The following NEIL3 variants were observed in gnomAD, a reference collection of about 807,000 sequenced individuals.
NEIL3 encodes the protein nei like DNA glycosylase 3, also known as endonuclease 8-like 3.
In NEIL3, 48 loss-of-function variants were observed where a neutral mutation model predicts 57.5. The ratio of observed to expected loss-of-function variants is 0.83; its 90% CI spans 0.66 to 1.06. The LOEUF (loss-of-function observed/expected upper bound fraction) is 1.06. Ranked by LOEUF, NEIL3 falls within the 50% of genes least tolerant of loss-of-function variation. NEIL3 has a pLI of 0.00. For missense variants in NEIL3, 717 were observed against 739.1 expected, an observed-to-expected ratio of 0.97 and a Z score of 0.35; for synonymous variants, 261 against 253.2, an observed-to-expected ratio of 1.03 and a Z score of -0.29.
chr4:177,336,438 C>A, intron 4 of NEIL3, 117 bp downstream of exon 4: 1 of 759,282 alleles, frequency 1.3e-6, no homozygotes. Flanking sequence ...TCAGGTGTCC[C>A]GCTTCCCATT....
At chr4:177,350,855 T>C (rs964574299) in intron 6 of NEIL3, among the ~76,000 whole-genome samples, 16 of 152,064 alleles carry the variant, frequency 1.1e-4, no homozygotes, top group Non-Finnish European at 8.8e-5. Flanking sequence ...TCTAAATAAC[T>C]TTTATTTGAT....
rs1702269726 is a variant in NEIL3 at position 177,339,922 on chromosome 4, C to T, written c.702+65C>T. ...TCAGTGGTTTCCTTTTGGAGTGCAC[C>T]AAAAAATGTGAAAGCTGTATATAGC... On this transcript the variant is annotated intron_variant, in intron 5 of 9. Coordinates refer to ENST00000264596, the MANE Select transcript of NEIL3 (RefSeq NM_018248.3). The T allele has an allele frequency of 2.8e-6, 3 of 1,082,806 alleles. No individual in the cohort carries two copies. In the South Asian group the frequency reaches 3.9e-5, roughly 14 times the overall value. 67.1% of individuals were successfully genotyped at this position (1,082,806 alleles called of 1,614,324 possible).
At chr4:177,358,001 T>C (rs1735514890) in intron 8 of NEIL3, among the ~76,000 whole-genome samples, 1 of 152,196 alleles carries the variant, frequency 6.6e-6, no homozygotes, top group Admixed American at 6.5e-5. Context: ...ATCAGAACAT[T>C]TAATTATCCT....
chr4:177,312,514 T>C (rs1734495815), intron 1 of NEIL3, among the ~76,000 whole-genome samples: 1 of 152,218 alleles, frequency 6.6e-6, no homozygotes, highest in Non-Finnish European at 1.5e-5. Flanking sequence ...TCTATTCTGA[T>C]AATTCTCTTC....
intron 6 of NEIL3, among the ~76,000 whole-genome samples, chr4:177,342,635 C>G (rs1735118922): frequency 6.6e-6 from 1 of 151,980 alleles, no homozygotes; most frequent in African/African-American, 2.4e-5. Flanking sequence ...CACTCTTTCC[C>G]CCCTTCTCCC....
In NEIL3 at chr4:177,353,325, G is replaced by A; in HGVS notation, c.1057G>A (p.Glu353Lys). The part of the protein sequence containing the change: ...SRPIDSVLKS[E>K]ENSTVFSHLM... ...CCTTCCAGATTCAGTGCTCAAGAGTGAAGAAAATTCTACTGTCTTTAGCCA... is the reference window on the plus strand; with the variant it reads ...CCTTCCAGATTCAGTGCTCAAGAGTAAAGAAAATTCTACTGTCTTTAGCCA... Residue 353 changes from glutamate (E) to lysine (K), a missense_variant, in exon 8 of 10, where the codon GAA (glutamate) becomes AAA (lysine). Transcript: ENST00000264596. The A allele has an allele frequency of 1.9e-6, 3 of 1,612,568 alleles. No individual in the cohort carries two copies. Among genetic ancestry groups the A allele is most frequent in the Non-Finnish European group, 2.5e-6 (3 of 1,179,562 alleles).
At chr4:177,312,631 AATATT>A (rs1215128059) in intron 1 of NEIL3, among the ~76,000 whole-genome samples, 11 of 152,212 alleles carry the variant, frequency 7.2e-5, no homozygotes, top group Admixed American at 4.6e-4. Flanking sequence ...ACTTGGCAGC[AATATT>A]CAATAAGTTA....
intron 1 of NEIL3, among the ~76,000 whole-genome samples, chr4:177,311,738 T>G (rs148803382): frequency 1.4e-5 from 2 of 147,756 alleles, no homozygotes; most frequent in Non-Finnish European, 1.5e-5. Flanking sequence ...AGCTCAGGGA[T>G]TGGAACAGGA....
At position 177,322,528 on chromosome 4, in the gene NEIL3, G is replaced by T. The variant is rs34112288; in HGVS notation, c.226G>T (p.Val76Leu). 1.2e-6 allele frequency: 2 copies of T among 1,613,930 alleles called. No homozygotes were observed. Among genetic ancestry groups the T allele is most frequent in the African/African-American group, 2.7e-5 (2 of 75,034 alleles). The change falls in exon 2 of 10, where the codon GTG becomes TTG. Residue 76 changes from valine to leucine, a missense_variant. Coordinates refer to ENST00000264596, the MANE Select transcript of NEIL3 (RefSeq NM_018248.3). ...GTTTAATGGATATGTTTACAGTGGCGTGGAAACTTTGGGGAAGGAGCTCTT... is the reference window on the plus strand; with the variant it reads ...GTTTAATGGATATGTTTACAGTGGCTTGGAAACTTTGGGGAAGGAGCTCTT... The part of the protein sequence containing the change: ...SLFNGYVYSG[V>L]ETLGKELFMY...
At position 177,326,091 on chromosome 4, in the gene NEIL3, C is replaced by G. The variant is rs80010658; in HGVS notation, c.278+3511C>G. ...ATTTTTTTTTCATGGTTCATTCATA[C>G]GTTTTGTGACCAGTCTAAGAAACAT... On this transcript the variant is annotated intron_variant, in intron 2 of 9. Coordinates refer to ENST00000264596, the MANE Select transcript of NEIL3 (RefSeq NM_018248.3). 2.3e-3 allele frequency among the ~76,000 whole-genome samples: 353 copies of G among 151,868 alleles called. 8 individuals are homozygous for G. In the South Asian group the frequency reaches 0.047, roughly 20 times the overall value.
At chr4:177,352,348 C>G (rs1186901643) in intron 7 of NEIL3, among the ~76,000 whole-genome samples, 1 of 152,276 alleles carries the variant, frequency 6.6e-6, no homozygotes, top group East Asian at 1.9e-4. Context: ...AGAGGCGGAG[C>G]CCATGGAAAA....
intron 8 of NEIL3, among the ~76,000 whole-genome samples, chr4:177,355,303 G>T (rs897725920): frequency 6.6e-6 from 1 of 152,132 alleles, no homozygotes; most frequent in South Asian, 2.1e-4. Context: ...ATCCTCAAGG[G>T]ATTTGTTCCA....
chr4:177,349,823 G>T (rs1370805646), intron 6 of NEIL3, among the ~76,000 whole-genome samples: 1 of 152,134 alleles, frequency 6.6e-6, no homozygotes, highest in Non-Finnish European at 1.5e-5. Context: ...TTATGATCAG[G>T]GAAACTTTTA....
chr4:177,346,301 G>A (rs544470764), intron 6 of NEIL3, among the ~76,000 whole-genome samples: 2 of 152,098 alleles, frequency 1.3e-5, no homozygotes, highest in East Asian at 3.9e-4. Context: ...CAAGTAGCTG[G>A]GACAACAGGC....
intron 2 of NEIL3, among the ~76,000 whole-genome samples, chr4:177,327,800 A>C (rs1578991667): frequency 6.6e-6 from 1 of 152,186 alleles, no homozygotes; most frequent in African/African-American, 2.4e-5. Context: ...TATTGAGATC[A>C]TCATATTGCC....
intron 1 of NEIL3, among the ~76,000 whole-genome samples, chr4:177,322,147 G>A (rs988267933): frequency 9.9e-5 from 15 of 152,086 alleles, no homozygotes; most frequent in African/African-American, 3.1e-4. Context: ...TAGAACATTC[G>A]TGTTGTATTC....
At chr4:177,310,208 G>A in intron 1 of NEIL3, 99 bp downstream of exon 1, 1 of 1,297,902 alleles carries the variant, frequency 7.7e-7, no homozygotes, top group Non-Finnish European at 1.0e-6. Context: ...TCTTTGCTCT[G>A]GCCCAGGTTT....
At chr4:177,324,262 A>G (rs774244824) in intron 2 of NEIL3, among the ~76,000 whole-genome samples, 4 of 152,136 alleles carry the variant, frequency 2.6e-5, no homozygotes, top group Non-Finnish European at 4.4e-5. Context: ...TGCATTTGAT[A>G]GAGCATATAG....
chr4:177,349,031 C>A (rs1579003300), intron 6 of NEIL3, among the ~76,000 whole-genome samples: 1 of 87,418 alleles, frequency 1.1e-5, no homozygotes, highest in Non-Finnish European at 2.1e-5. Flanking sequence ...CCACACCTGG[C>A]TAATTTTTTT....
Sources: gnomAD v4.1 joint callset for allele counts (sites outside exome capture counted in the v4.1 genomes callset) on GRCh38, gnomAD v4.1.1 for gene constraint, MANE v1.5 for transcripts, NCBI Gene and HGNC (gene_info 2026-07-23, HGNC 2026-07-21) for gene names.